Variants in AFF4 observed in about 807,000 individuals in gnomAD.
AFF4 encodes the protein AF4/FMR2 family member 4.
AFF4 carries 13 observed loss-of-function variants against 124.8 expected under a neutral mutation model. That is an observed-to-expected ratio of 0.10 (90% CI 0.07 to 0.17). The LOEUF (loss-of-function observed/expected upper bound fraction) is 0.17. AFF4 is among the 10% of genes least tolerant of loss of function. The pLI is 1.00. For synonymous variants in AFF4, 477 were observed against 496.1 expected, an observed-to-expected ratio of 0.96 and a Z score of 0.51; for missense variants, 1,092 against 1,403.8, an observed-to-expected ratio of 0.78 and a Z score of 3.55.
intron 1 of AFF4, among the ~76,000 whole-genome samples, chr5:132,950,701 A>C (rs1426669558): frequency 6.6e-6 from 1 of 152,184 alleles, no homozygotes; most frequent in Non-Finnish European, 1.5e-5. Flanking sequence ...TATTTTTATC[A>C]ATCAACCATC....
chr5:132,900,326 G>A (rs762921483), intron 7 of AFF4, among the ~76,000 whole-genome samples: 1 of 152,196 alleles, frequency 6.6e-6, no homozygotes, highest in Admixed American at 6.5e-5. Flanking sequence ...GGAGGCTGAG[G>A]TTGGCGGATC....
chr5:132,934,592 T>A lies in AFF4; in HGVS notation c.473A>T (p.Asn158Ile), dbSNP rs1022009453. The change falls in exon 3 of 21, where the codon AAT becomes ATT. Residue 158 changes from asparagine to isoleucine, a missense_variant. Physicochemically the swap from Asn to Ile is moderately radical, Grantham distance 149. Transcript: ENST00000265343. ...GQRHDRESYN[N>I]SGSSSRKKGQ... ...TTTTTTCCGGCTACTGCTCCCACTA[T>A]TGTTATATGACTCACGGTCGTGCCT... is the stretch of plus-strand genomic sequence containing the variant. The A allele has an allele frequency of 6.2e-7, 1 of 1,614,188 alleles. No homozygotes were observed. The highest frequency in any genetic ancestry group is 2.2e-5 in the East Asian group (1 of 44,888).
At chr5:132,883,183 T>A (rs1043846283) in intron 20 of AFF4, among the ~76,000 whole-genome samples, 157 bp downstream of exon 20, 3 of 152,248 alleles carry the variant, frequency 2.0e-5, no homozygotes, top group Non-Finnish European at 4.4e-5. Flanking sequence ...CAGTTTCATT[T>A]ATTGTTTAAC....
chr5:132,952,622 G>A (rs1376566610), intron 1 of AFF4, among the ~76,000 whole-genome samples: 8 of 152,138 alleles, frequency 5.3e-5, no homozygotes, highest in East Asian at 1.9e-4. Flanking sequence ...GGCCAGGCGC[G>A]GTGGCTCACA....
intron 5 of AFF4, among the ~76,000 whole-genome samples, chr5:132,923,618 G>C (rs1489991352): frequency 6.6e-6 from 1 of 152,126 alleles, no homozygotes; most frequent in Non-Finnish European, 1.5e-5. Context: ...TGGTAGTCAA[G>C]AGGCTGAAAT....
At chr5:132,882,919 A>C (rs1760021062) in intron 20 of AFF4, among the ~76,000 whole-genome samples, 1 of 149,110 alleles carries the variant, frequency 6.7e-6, no homozygotes, top group African/African-American at 2.4e-5. Flanking sequence ...GTTTCTTCCA[A>C]TATACCTAAA....
rs1759950682 is a variant in AFF4 at position 132,880,630 on chromosome 5, C to T, written c.*429G>A. The T allele has an allele frequency of 3.0e-6, 1 of 338,976 alleles. No homozygotes were observed. The highest frequency in any genetic ancestry group is 2.1e-5 in the African/African-American group (1 of 47,478). 21.0% of individuals were successfully genotyped at this position (338,976 alleles called of 1,614,324 possible). On this transcript the variant is annotated 3_prime_UTR_variant, in exon 21 of 21. Coordinates refer to ENST00000265343, the MANE Select transcript of AFF4 (RefSeq NM_014423.4). ...AAAAAGATATTAGGTAATAAAGCTC[C>T]CAAGGTATATAAATAAAAATGTCTA...
At chr5:132,925,241 T>C (rs1203510285) in intron 5 of AFF4, among the ~76,000 whole-genome samples, 1 of 151,708 alleles carries the variant, frequency 6.6e-6, no homozygotes, top group African/African-American at 2.4e-5. Flanking sequence ...TAAACAAAGA[T>C]ATAAAAGGTA....
Position 132,910,821 on chromosome 5 carries a change from T to C in AFF4, c.1051-6417A>G, listed in dbSNP as rs556933201. ...TTTTCCTATGTTCTTTAAATACCCA[T>C]CTTAGAGCAAGAACATTTAAATTGT... On this transcript the variant is annotated intron_variant, in intron 5 of 20. Coordinates refer to ENST00000265343, the MANE Select transcript of AFF4 (RefSeq NM_014423.4). Among the ~76,000 whole-genome samples the C allele has an allele frequency of 4.6e-5, 7 of 152,312 alleles. No individual in the cohort carries two copies. In the South Asian group the frequency reaches 8.3e-4, roughly 18 times the overall value.
chr5:132,889,185 A>C lies in AFF4; in HGVS notation c.2638-12T>G. 1 of 1,574,888 alleles carries C rather than the reference A, an allele frequency of 6.3e-7. No homozygotes were observed. The highest frequency in any genetic ancestry group is 8.7e-7 in the Non-Finnish European group (1 of 1,145,072). ...CTTGGAGCCTTTTCCTGACCAAAAA[A>C]ATATATAACTACAATGAAAACCGTA... is the stretch of plus-strand genomic sequence containing the variant. On this transcript the variant is annotated splice_polypyrimidine_tract_variant and intron_variant, in intron 13 of 20. Coordinates refer to ENST00000265343, the MANE Select transcript of AFF4 (RefSeq NM_014423.4).
intron 1 of AFF4, among the ~76,000 whole-genome samples, chr5:132,957,327 G>A (rs1240954985): frequency 1.3e-5 from 2 of 151,822 alleles, no homozygotes; most frequent in Non-Finnish European, 2.9e-5. Flanking sequence ...GTAACCGAGT[G>A]CAGTCCTGTC....
Position 132,892,347 on chromosome 5 carries a change from A to G in AFF4, c.2454T>C (p.Pro818=), listed in dbSNP as rs1340727765. 1 of 1,613,980 alleles carries G rather than the reference A, an allele frequency of 6.2e-7. No homozygotes were observed. Among genetic ancestry groups the G allele is most frequent in the African/African-American group, 1.3e-5 (1 of 74,918 alleles). Residue 818 remains proline (P), a synonymous_variant, in exon 13 of 21, where the codon CCT becomes CCC. Coordinates refer to ENST00000265343, the MANE Select transcript of AFF4 (RefSeq NM_014423.4). The part of the protein sequence containing the change: ...EKDLLPSPAG[P]VPSKDPKTEH... ...CTGTTTTTGGATCTTTTGAAGGAAC[A>G]GGCCCAGCGGGAGAAGGCAACAAAT...
rs1760399377 is a variant in AFF4, at chr5:132,896,429, G to A, written c.2201C>T (p.Thr734Ile). The stretch of plus-strand genomic sequence containing the variant: ...TTTCTTTTCCCCCTTGGGCGGCTCT[G>A]TTTCTTTGTAAGGCTTTCCTGGTAT... ...TRIPGKPYKE[T>I]EPPKGEKKNV... Residue 734 changes from threonine to isoleucine, a missense_variant, in exon 11 of 21, where the codon ACA becomes ATA. Physicochemically the swap from Thr to Ile is moderately conservative, Grantham distance 89. Coordinates refer to ENST00000265343, the MANE Select transcript of AFF4 (RefSeq NM_014423.4). 2 of 1,614,040 alleles carry A rather than the reference G, an allele frequency of 1.2e-6. No homozygotes were observed. The highest frequency in any genetic ancestry group is 1.7e-6 in the Non-Finnish European group (2 of 1,180,024).
At chr5:132,940,560 G>A (rs1282169092) in intron 1 of AFF4, among the ~76,000 whole-genome samples, 1 of 152,038 alleles carries the variant, frequency 6.6e-6, no homozygotes, top group Non-Finnish European at 1.5e-5. Flanking sequence ...AGATTGAGCA[G>A]CACTGAAATA....
intron 20 of AFF4, among the ~76,000 whole-genome samples, chr5:132,881,468 G>T (rs1241336089): frequency 6.6e-6 from 1 of 152,202 alleles, no homozygotes; most frequent in African/African-American, 2.4e-5. Flanking sequence ...CTATTATGCA[G>T]TAGATATTAT....
intron 1 of AFF4, among the ~76,000 whole-genome samples, chr5:132,942,054 C>T (rs1286742445): frequency 6.6e-6 from 1 of 151,728 alleles, no homozygotes; most frequent in Non-Finnish European, 1.5e-5. Context: ...AAAATACCAG[C>T]TGGGTGTTCT....
intron 13 of AFF4, chr5:132,891,800 CTTT>C (rs11441608): frequency 5.8e-3 from 1,303 of 223,910 alleles, no homozygotes; most frequent in Middle Eastern, 0.013. Flanking sequence ...TGGTTTCTAT[CTTT>C]TTTTTTTTTT....
rs536311356 is a variant in AFF4 at position 132,905,275 on chromosome 5, C to T, written c.1051-871G>A. On this transcript the variant is annotated intron_variant, in intron 5 of 20. Transcript: ENST00000265343. Reference sequence around the variant, plus strand: ...AGCCAGAATGTCACCCTTAGTGAAACATGGCTTTCCAAACTCAATTTTCAT... The same window carrying T: ...AGCCAGAATGTCACCCTTAGTGAAATATGGCTTTCCAAACTCAATTTTCAT... Among the ~76,000 whole-genome samples the T allele has an allele frequency of 9.9e-5, 15 of 152,270 alleles. 1 individual carries two copies. In the South Asian group the frequency reaches 3.1e-3, roughly 32 times the overall value.
intron 5 of AFF4, among the ~76,000 whole-genome samples, chr5:132,908,793 C>T (rs1371321869): frequency 5.0e-5 from 6 of 119,316 alleles, no homozygotes; most frequent in East Asian, 2.8e-4. Context: ...TTTTTTGAGA[C>T]GGAATCTAGC....
Sources: allele counts gnomAD v4.1 joint callset (sites outside exome capture counted in the v4.1 genomes callset), GRCh38; gene constraint gnomAD v4.1.1; transcripts MANE v1.5; gene names NCBI Gene and HGNC (gene_info 2026-07-23, HGNC 2026-07-21).